The following UNC13C variants were observed in gnomAD, a reference collection of about 807,000 sequenced individuals.
UNC13C encodes protein unc-13 homolog C.
Under a neutral mutation model 245.4 loss-of-function variants are expected in UNC13C, and 174 were observed. The ratio of observed to expected loss-of-function variants is 0.71; its 90% confidence interval spans 0.63 to 0.80. UNC13C has a LOEUF of 0.80. UNC13C is among the 30% of genes least tolerant of loss of function. UNC13C has a pLI of 0.00. For missense variants in UNC13C, 2,829 were observed against 2,602.9 expected (o/e 1.09, Z -1.89); for synonymous variants, 992 against 895.1 (o/e 1.11, Z -1.93).
chr15:54,016,197 A>G (rs1048557787), intron 2 of UNC13C, among the ~76,000 whole-genome samples: 1 of 152,206 alleles, frequency 6.6e-6, no homozygotes, highest in Non-Finnish European at 1.5e-5. Context: ...ACTTTGTGGC[A>G]TCAGTTGTCA....
intron 18 of UNC13C, among the ~76,000 whole-genome samples, chr15:54,412,391 A>G (rs889900794): frequency 2.0e-5 from 3 of 152,054 alleles, no homozygotes; most frequent in African/African-American, 4.8e-5. Context: ...GGAACTGCCA[A>G]ACGCTTTTAA....
At chr15:53,855,799 G>C in the UNC13C span, among the ~76,000 whole-genome samples, 1 of 152,132 alleles carries the variant, frequency 6.6e-6, no homozygotes, top group Non-Finnish European at 1.5e-5. Flanking sequence ...GATGATCCTG[G>C]CCTCATAGAA....
intron 2 of UNC13C, among the ~76,000 whole-genome samples, chr15:54,038,142 C>CTTTTTTTTTTTTTTTTG: frequency 1.7e-4 from 1 of 5,748 alleles, no homozygotes; most frequent in Admixed American, 1.8e-3. Flanking sequence ...TTTTTTTTTC[C>CTTTTTTTTTTTTTTTTG]TGAGACAGAG....
At chr15:54,260,725 T>A (rs983005613) in intron 8 of UNC13C, among the ~76,000 whole-genome samples, 1 of 148,660 alleles carries the variant, frequency 6.7e-6, no homozygotes, top group Admixed American at 6.7e-5. Context: ...AATATATATA[T>A]AACTTTATAT....
intron 2 of UNC13C, among the ~76,000 whole-genome samples, chr15:54,066,971 A>C (rs2141090051): frequency 6.6e-6 from 1 of 152,244 alleles, no homozygotes; most frequent in Middle Eastern, 3.4e-3. Flanking sequence ...ATTTTGCCAC[A>C]CCAATGCAGG....
intron 26 of UNC13C, among the ~76,000 whole-genome samples, chr15:54,539,909 C>A (rs969592839): frequency 2.6e-5 from 4 of 151,918 alleles, no homozygotes; most frequent in African/African-American, 9.7e-5. Context: ...AATTATGTCA[C>A]CATATGTGTC....
intron 17 of UNC13C, among the ~76,000 whole-genome samples, chr15:54,347,980 T>C (rs1290344903): frequency 6.6e-6 from 1 of 152,182 alleles, no homozygotes; most frequent in Non-Finnish European, 1.5e-5. Flanking sequence ...ATTTTAGAAA[T>C]AGGTAATACA....
intron 7 of UNC13C, among the ~76,000 whole-genome samples, chr15:54,238,015 C>T (rs2035750710): frequency 6.6e-6 from 1 of 151,154 alleles, no homozygotes; most frequent in Admixed American, 6.6e-5. Flanking sequence ...TTTCCCCAAA[C>T]ATCTTCCATC....
chr15:53,980,613 A>G (rs1326924507), intron 1 of UNC13C, among the ~76,000 whole-genome samples: 3 of 152,174 alleles, frequency 2.0e-5, no homozygotes, highest in African/African-American at 2.4e-5. Context: ...AGAATTGCCA[A>G]TGTTTTTTCA....
chr15:54,173,712 TGC>T (rs1039057432), intron 4 of UNC13C, among the ~76,000 whole-genome samples: 7 of 152,122 alleles, frequency 4.6e-5, no homozygotes, highest in Non-Finnish European at 1.0e-4. Flanking sequence ...TTTCTTTTCT[TGC>T]CTTAATGAAC....
the UNC13C span, among the ~76,000 whole-genome samples, chr15:53,847,068 GAAC>G: frequency 1.6e-4 from 25 of 152,070 alleles, no homozygotes; most frequent in South Asian, 2.5e-3. Flanking sequence ...ATGATGTCAA[GAAC>G]AACAACAACA....
At chr15:54,177,676 T>C (rs2033661542) in intron 4 of UNC13C, among the ~76,000 whole-genome samples, 1 of 152,148 alleles carries the variant, frequency 6.6e-6, no homozygotes, top group Non-Finnish European at 1.5e-5. Flanking sequence ...ATGATATGTA[T>C]AATTTCAGGT....
At chr15:53,904,772 G>C in the UNC13C span, among the ~76,000 whole-genome samples, 1 of 152,104 alleles carries the variant, frequency 6.6e-6, no homozygotes, top group Non-Finnish European at 1.5e-5. Context: ...ATCAGCTTCT[G>C]TGTTTATACC....
rs1895506440 is a variant in UNC13C at position 54,013,876 on chromosome 15, A to T, written c.973A>T (p.Asn325Tyr). The change falls in exon 2 of 33, where the codon AAT becomes TAT. Residue 325 changes from asparagine (N) to tyrosine (Y), a missense_variant. Physicochemically the swap from Asn to Tyr is moderately radical, Grantham distance 143 (BLOSUM62 -2). Coordinates refer to ENST00000260323, the MANE Select transcript of UNC13C (RefSeq NM_001080534.3). The part of the protein sequence containing the change: ...MGSKASLRFL[N>Y]VTEERFEYVE... ...TAGCAAGGCAAGCCTGAGATTTTTA[A>T]ATGTGACTGAAGAAAGATTTGAATA... is the stretch of plus-strand genomic sequence containing the variant. 6.2e-7 allele frequency: 1 copy of T among 1,613,194 alleles called. No individual in the cohort carries two copies.
intron 19 of UNC13C, among the ~76,000 whole-genome samples, chr15:54,438,068 CTT>C (rs377674060): frequency 1.6e-4 from 25 of 151,894 alleles, no homozygotes; most frequent in South Asian, 4.2e-4. Flanking sequence ...AGTTTAGTCT[CTT>C]TACAACATAT....
At chr15:53,915,730 T>A in the UNC13C span, among the ~76,000 whole-genome samples, 2 of 152,212 alleles carry the variant, frequency 1.3e-5, no homozygotes, top group Admixed American at 1.3e-4. Context: ...TCAGCAAACA[T>A]TTTAAAAGTC....
chr15:54,298,545 A>G (rs1352873384), intron 12 of UNC13C, among the ~76,000 whole-genome samples: 4 of 152,272 alleles, frequency 2.6e-5, no homozygotes, highest in Admixed American at 1.3e-4. Context: ...ACATGTGAGT[A>G]TGGAGAAAAT....
At chr15:54,112,784 A>C (rs1897080) in intron 2 of UNC13C, among the ~76,000 whole-genome samples, 4,736 of 152,288 alleles carry the variant, frequency 0.031, 116 homozygotes, top group South Asian at 0.11. Flanking sequence ...TTTAACGCTC[A>C]TGTCAGTTGG....
intron 2 of UNC13C, among the ~76,000 whole-genome samples, chr15:54,083,243 AT>A (rs1377182310): frequency 2.0e-5 from 3 of 152,046 alleles, no homozygotes; most frequent in Non-Finnish European, 4.4e-5. Context: ...CCTCCAGTTC[AT>A]TTAGACTTTG....
Sources: gnomAD v4.1 joint callset for allele counts (sites outside exome capture counted in the v4.1 genomes callset) on GRCh38, gnomAD v4.1.1 for gene constraint, MANE v1.5 for transcripts, NCBI Gene and HGNC (gene_info 2026-07-23, HGNC 2026-07-21) for gene names.